Variants in GRIA2 observed in about 807,000 individuals in gnomAD.
GRIA2 encodes glutamate ionotropic receptor AMPA type subunit 2, also known as glutamate receptor 2.
A neutral mutation model predicts 97.3 loss-of-function variants in GRIA2; 14 were observed. That is an observed-to-expected ratio of 0.14 (90% CI 0.10 to 0.23). GRIA2 has a LOEUF of 0.23. GRIA2 is among the 10% of genes least tolerant of loss of function. The pLI is 1.00. For synonymous variants in GRIA2, 412 were observed against 387.8 expected (o/e 1.06, Z -0.73); for missense variants, 558 against 1,069.8 (o/e 0.52, Z 6.67).
chr4:157,311,736 C>T lies in GRIA2; in HGVS notation c.470-943C>T, dbSNP rs75233274. Among the ~76,000 whole-genome samples, 1,109 of 151,862 alleles carry T rather than the reference C, an allele frequency of 7.3e-3. 9 individuals carry two copies. Among genetic ancestry groups the T allele is most frequent in the African/African-American group, 0.022 (900 of 41,472 alleles). Reference sequence around the variant, plus strand: ...GAGTTCTGGATTCATTCTGGAGTCTCGATTTTGCGTTGTTTATTAAGTTAT... The same window carrying T: ...GAGTTCTGGATTCATTCTGGAGTCTTGATTTTGCGTTGTTTATTAAGTTAT... On this transcript the variant is annotated intron_variant, in intron 3 of 15. Coordinates refer to ENST00000264426, the MANE Select transcript of GRIA2 (RefSeq NM_001083619.3).
At chr4:157,362,294 C>A in intron 14 of GRIA2, 1 of 432,538 alleles carries the variant, frequency 2.3e-6, no homozygotes, top group Non-Finnish European at 4.6e-6. Context: ...TCTTAGCCAT[C>A]TTAGTACTTT....
chr4:157,259,557 T>C (rs1385481323), intron 2 of GRIA2, among the ~76,000 whole-genome samples: 1 of 152,152 alleles, frequency 6.6e-6, no homozygotes. Context: ...ACATTCATCC[T>C]GTGTCCTGGA....
chr4:157,272,381 A>G (rs1361273143), intron 2 of GRIA2, among the ~76,000 whole-genome samples: 1 of 152,008 alleles, frequency 6.6e-6, no homozygotes, highest in African/African-American at 2.4e-5. Context: ...CTGGAGAGAC[A>G]CACAGGCAGA....
intron 13 of GRIA2, 51 bp from the exon 14 acceptor site, chr4:157,360,959 A>G (rs527380730): frequency 7.6e-7 from 1 of 1,307,968 alleles, no homozygotes; most frequent in South Asian, 1.2e-5. Flanking sequence ...AACAAACAAA[A>G]AGTCTAAAAT....
chr4:157,233,750 C>A (rs1730124148), intron 2 of GRIA2, among the ~76,000 whole-genome samples: 1 of 152,044 alleles, frequency 6.6e-6, no homozygotes, highest in African/African-American at 2.4e-5. Flanking sequence ...AAGGTGCTGC[C>A]TTGAGAAAGC....
chr4:157,272,012 A>T (rs528766132), intron 2 of GRIA2, among the ~76,000 whole-genome samples: 1 of 152,226 alleles, frequency 6.6e-6, no homozygotes, highest in African/African-American at 2.4e-5. Flanking sequence ...CAAAGTAAAC[A>T]CGCATAGATT....
intron 3 of GRIA2, among the ~76,000 whole-genome samples, chr4:157,311,506 G>A (rs995065460): frequency 1.4e-4 from 22 of 151,822 alleles, no homozygotes; most frequent in Non-Finnish European, 2.8e-4. Flanking sequence ...TTTAATGGTG[G>A]TTTTTCTTTT....
intron 2 of GRIA2, among the ~76,000 whole-genome samples, chr4:157,269,834 C>A (rs1422491884): frequency 2.0e-5 from 3 of 151,946 alleles, no homozygotes; most frequent in African/African-American, 4.8e-5. Context: ...GTATCTACAG[C>A]CTTTATCTGT....
intron 2 of GRIA2, among the ~76,000 whole-genome samples, chr4:157,258,412 C>G (rs985375966): frequency 6.6e-6 from 1 of 152,060 alleles, no homozygotes; most frequent in African/African-American, 2.4e-5. Context: ...AAGCCCCAGT[C>G]TCCTGTAGCG....
chr4:157,227,026 A>G lies in GRIA2; in HGVS notation c.229+5219A>G, dbSNP rs191240277. Reference sequence around the variant, plus strand: ...AAGAATTTCAAGAAAATGAGTGCGTATTAAGTAGAAATCAAAGAATGGCAT... The same window carrying G: ...AAGAATTTCAAGAAAATGAGTGCGTGTTAAGTAGAAATCAAAGAATGGCAT... On this transcript the variant is annotated intron_variant, in intron 2 of 15. Transcript: ENST00000264426. 5.4e-3 allele frequency among the ~76,000 whole-genome samples: 817 copies of G among 152,310 alleles called. 15 individuals are homozygous for G. Among genetic ancestry groups the G allele is most frequent in the Non-Finnish European group, 5.3e-3 (363 of 67,984 alleles).
intron 11 of GRIA2, among the ~76,000 whole-genome samples, chr4:157,340,135 C>A (rs568016988): frequency 6.6e-6 from 1 of 151,836 alleles, no homozygotes; most frequent in East Asian, 1.9e-4. Context: ...AGTGTTTGAT[C>A]TAGAATATGT....
intron 4 of GRIA2, 44 bp from the exon 5 acceptor site, chr4:157,317,614 C>T (rs1423621085): frequency 5.4e-6 from 4 of 740,214 alleles, no homozygotes; most frequent in Non-Finnish European, 7.0e-6. Flanking sequence ...TTTACACTTG[C>T]ATTATTTGTA....
chr4:157,357,256 T>C (rs1736425222), intron 12 of GRIA2, among the ~76,000 whole-genome samples: 3 of 152,168 alleles, frequency 2.0e-5, no homozygotes, highest in Non-Finnish European at 4.4e-5. Context: ...AATTAGTAAA[T>C]GTCTTGTCCT....
chr4:157,224,992 A>G (rs1281225533), intron 2 of GRIA2, among the ~76,000 whole-genome samples: 4 of 152,140 alleles, frequency 2.6e-5, no homozygotes, highest in Non-Finnish European at 5.9e-5. Context: ...TAAAAAGTGG[A>G]TTTTTATACC....
At chr4:157,259,566 G>C (rs1200779150) in intron 2 of GRIA2, among the ~76,000 whole-genome samples, 1 of 152,036 alleles carries the variant, frequency 6.6e-6, no homozygotes, top group Non-Finnish European at 1.5e-5. Context: ...CTGTGTCCTG[G>C]AAGAAGAACA....
At chr4:157,263,980 A>C (rs575620968) in intron 2 of GRIA2, among the ~76,000 whole-genome samples, 1 of 152,186 alleles carries the variant, frequency 6.6e-6, no homozygotes, top group East Asian at 1.9e-4. Flanking sequence ...TTTAAATATT[A>C]TCTTTTTTAG....
At chr4:157,302,519 G>A (rs924927989) in intron 2 of GRIA2, among the ~76,000 whole-genome samples, 1 of 152,014 alleles carries the variant, frequency 6.6e-6, no homozygotes, top group African/African-American at 2.4e-5. Flanking sequence ...AGTGTCTTTG[G>A]TAGTTCACTT....
intron 2 of GRIA2, among the ~76,000 whole-genome samples, chr4:157,269,759 T>G (rs546422213): frequency 6.6e-6 from 1 of 152,266 alleles, no homozygotes; most frequent in Non-Finnish European, 1.5e-5. Flanking sequence ...ACTCCTTAAC[T>G]ATTTTGAAAT....
intron 4 of GRIA2, among the ~76,000 whole-genome samples, chr4:157,317,243 A>G (rs994775096): frequency 6.6e-6 from 1 of 152,232 alleles, no homozygotes; most frequent in Non-Finnish European, 1.5e-5. Flanking sequence ...TATGAATATA[A>G]AATCTCAGAT....
Sources: gnomAD v4.1 joint callset for allele counts (sites outside exome capture counted in the v4.1 genomes callset) on GRCh38, gnomAD v4.1.1 for gene constraint, MANE v1.5 for transcripts, NCBI Gene and HGNC (gene_info 2026-07-23, HGNC 2026-07-21) for gene names.